RECQL4: variants seen among roughly 807,000 people sequenced by gnomAD.
The protein encoded by RECQL4 is ATP-dependent DNA helicase Q4.
RECQL4 carries 158 observed loss-of-function variants against 128.6 expected under a neutral mutation model. The observed-to-expected ratio is 1.23, with a 90% CI of 1.08 to 1.40. The LOEUF (loss-of-function observed/expected upper bound fraction) is 1.40, where lower values mean the gene tolerates loss of function less well. RECQL4 is among the 40% of genes most tolerant of loss of function. RECQL4 has a pLI of 0.00. For missense variants in RECQL4, 2,293 were observed against 1,649.8 expected, an observed-to-expected ratio of 1.39 and a Z score of -6.75; for synonymous variants, 996 against 678.9, an observed-to-expected ratio of 1.47 and a Z score of -7.26.
At position 144,514,038 on chromosome 8, in the gene RECQL4, T is replaced by G; in HGVS notation, c.1948A>C (p.Ser650Arg). 6.3e-7 allele frequency: 1 copy of G among 1,578,128 alleles called. No individual in the cohort carries two copies. The highest frequency in any genetic ancestry group is 8.6e-7 in the Non-Finnish European group (1 of 1,163,046). The change falls in exon 12 of 21, where the codon AGT becomes CGT. Residue 650 changes from serine to arginine, a missense_variant. Physicochemically the swap from Ser to Arg is moderately radical, Grantham distance 110. Coordinates refer to ENST00000617875, the MANE Select transcript of RECQL4 (RefSeq NM_004260.4). ...ACAGCCAGGTGCTGTGCCACGTCAC[T>G]GGCAGTGCGGCGTGTGGCTGTGGCT... The part of the protein sequence containing the change: ...LTATATRRTA[S>R]DVAQHLAVAE...
rs1827766753 is a variant in RECQL4 at position 144,513,943 on chromosome 8, G to A, written c.2043C>T (p.Asp681=). The A allele has an allele frequency of 1.9e-6, 3 of 1,556,896 alleles. No individual in the cohort carries two copies. Among genetic ancestry groups the A allele is most frequent in the African/African-American group, 2.7e-5 (2 of 73,152 alleles). Residue 681 remains aspartate (D), a synonymous_variant, in exon 12 of 21, where the codon GAC becomes GAT. Coordinates refer to ENST00000617875, the MANE Select transcript of RECQL4 (RefSeq NM_004260.4). ...ACACACCCACCTGGTCTGTGTCCCT[G>A]TCCATGGACACGGAAAGGTGCAGGT... The part of the protein sequence containing the change: ...PTNLHLSVSM[D]RDTDQALLTL...
rs748601844 is a variant in RECQL4 at position 144,512,653 on chromosome 8, G to A, written c.2874C>T (p.Ala958=). The A allele has an allele frequency of 2.5e-5, 41 of 1,612,398 alleles. 1 individual carries two copies. The South Asian group carries it at 4.5e-4, about 18-fold the overall frequency. The change falls in exon 16 of 21, where the codon GCC becomes GCT. Residue 958 remains alanine, a synonymous_variant. Coordinates refer to ENST00000617875, the MANE Select transcript of RECQL4 (RefSeq NM_004260.4). ...NCPGGPAQLQ[A]LAHRCPPLAV... The stretch of plus-strand genomic sequence containing the variant: ...CAGGGCGTGCTTACCTGTGGGCCAG[G>A]GCCTGGAGCTGGGCAGGGCCCCCAG...
chr8:144,514,977 TG>T lies in RECQL4; in HGVS notation c.1578del (p.Thr527ArgfsTer31), dbSNP rs1827938831. The T allele has an allele frequency of 6.2e-7, 1 of 1,611,782 alleles. No homozygotes were observed. Among genetic ancestry groups the T allele is most frequent in the Non-Finnish European group, 8.5e-7 (1 of 1,179,614 alleles). ...ALLYSRRSPC[L>X]TLVVSPLLSL... ...GACAGCAGGGGAGAGACGACCAACG[TG>T]AGGCAGGGGCTGCGCCGGCTGTAGA... On this transcript the variant is annotated frameshift_variant, in exon 9 of 21. Coordinates refer to ENST00000617875, the MANE Select transcript of RECQL4 (RefSeq NM_004260.4). LOFTEE classifies it high-confidence loss of function.
chr8:144,512,824 G>A, intron 15 of RECQL4, 23 bp downstream of exon 15: 3 of 1,608,676 alleles, frequency 1.9e-6, no homozygotes, highest in Non-Finnish European at 2.5e-6. Context: ...CCACACCCCT[G>A]TGGCTTACCC....
At position 144,511,571 on chromosome 8, in the gene RECQL4, G is replaced by C; in HGVS notation, c.3503-16C>G. The C allele has an allele frequency of 6.2e-7, 1 of 1,610,686 alleles. No homozygotes were observed. Among genetic ancestry groups the C allele is most frequent in the African/African-American group, 1.3e-5 (1 of 74,996 alleles). On this transcript the variant is annotated splice_polypyrimidine_tract_variant and intron_variant, in intron 20 of 20. Transcript: ENST00000617875. ...CAGGGGCTTCCTACGGTGGAGCCAA[G>C]ACACAGCCGTGAGCCCCAGCCCCAG...
rs1186876956 is a variant in RECQL4, at chr8:144,514,928, G to A, written c.1620+8C>T. ...TGTGTACGTGTGCCCAGGGCCCTGTGTGCACACCTGGTCATCCATGAGTGA... is the reference window on the plus strand; with the variant it reads ...TGTGTACGTGTGCCCAGGGCCCTGTATGCACACCTGGTCATCCATGAGTGA... On this transcript the variant is annotated splice_region_variant and intron_variant, in intron 9 of 20. Transcript: ENST00000617875. 3 of 1,610,600 alleles carry A rather than the reference G, an allele frequency of 1.9e-6. No homozygotes were observed. Among genetic ancestry groups the A allele is most frequent in the African/African-American group, 2.7e-5 (2 of 74,890 alleles).
intron 16 of RECQL4, 39 bp from the exon 17 acceptor site, chr8:144,512,600 T>G: frequency 6.2e-7 from 1 of 1,611,804 alleles, no homozygotes; most frequent in Non-Finnish European, 8.5e-7. Context: ...CCAACAGCCC[T>G]GATTCTCCAA....
rs1827623561 is a variant in RECQL4, at chr8:144,513,381, A to C, written c.2300T>G (p.Val767Gly). 2.5e-6 allele frequency: 4 copies of C among 1,606,040 alleles called. No individual in the cohort carries two copies. Among genetic ancestry groups the C allele is most frequent in the Non-Finnish European group, 1.7e-6 (2 of 1,179,160 alleles). ...CCCAAAGGCCACCGTGGCCACCACC[A>C]CCCGCAACTGGCCCTGCATGAAGGC... ...QRAFMQGQLR[V>G]VVATVAFGMG... is the part of the protein sequence containing the mutation. The change falls in exon 14 of 21, where the codon GTG (valine) becomes GGG (glycine). Residue 767 changes from valine to glycine, a missense_variant. Val to Gly is a moderately radical substitution (Grantham distance 109, BLOSUM62 -3). Coordinates refer to ENST00000617875, the MANE Select transcript of RECQL4 (RefSeq NM_004260.4).
Position 144,516,728 on chromosome 8 carries a change from C to G in RECQL4, c.391G>C (p.Gly131Arg), listed in dbSNP as rs561427528. The G allele has an allele frequency of 1.8e-5, 28 of 1,534,618 alleles. No individual in the cohort carries two copies. The South Asian group carries it at 2.5e-4, about 14-fold the overall frequency. The part of the protein sequence containing the change: ...PALGRRPWPL[G>R]RASSKASTPK... ...GTGGATGCCTTAGATGAGGCTCTTC[C>G]TAGAGGCCACGGTCTGCGGCCCAGG... Residue 131 changes from glycine (G) to arginine (R), a missense_variant, in exon 5 of 21, where the codon GGA becomes CGA. Gly to Arg is a moderately radical substitution (Grantham distance 125, BLOSUM62 -2). Transcript: ENST00000617875.
In RECQL4 at chr8:144,512,373, G is replaced by T; in HGVS notation, c.3055+19C>A. On this transcript the variant is annotated intron_variant, in intron 17 of 20. Coordinates refer to ENST00000617875, the MANE Select transcript of RECQL4 (RefSeq NM_004260.4). ...AGGCAGGCAGCGTCCAGGGCGGTGT[G>T]GGGTGGGGAGAGGCGCACCTGTCCT... The T allele has an allele frequency of 6.2e-7, 1 of 1,608,388 alleles. No homozygotes were observed. Among genetic ancestry groups the T allele is most frequent in the South Asian group, 1.1e-5 (1 of 91,012 alleles).
At chr8:144,515,538 A>G in intron 6 of RECQL4, 81 bp from the exon 7 acceptor site, 2 of 1,590,432 alleles carry the variant, frequency 1.3e-6, no homozygotes, top group Non-Finnish European at 1.7e-6. Context: ...CTTCCCCCAA[A>G]GGGGGTTGGC....
intron 4 of RECQL4, 101 bp downstream of exon 4, chr8:144,516,949 A>C: frequency 6.7e-7 from 1 of 1,486,732 alleles, no homozygotes. Context: ...TGGTTGGCAC[A>C]GGGGCCCGTG....
In RECQL4 at chr8:144,512,767, G is replaced by A. The variant is rs752058642; in HGVS notation, c.2760C>T (p.Ile920=). 13 of 1,611,618 alleles carry A rather than the reference G, an allele frequency of 8.1e-6. No homozygotes were observed. The Admixed American group carries it at 1.5e-4, about 19-fold the overall frequency. The change falls in exon 16 of 21, where the codon ATC becomes ATT. Residue 920 remains isoleucine (I), a synonymous_variant. Coordinates refer to ENST00000617875, the MANE Select transcript of RECQL4 (RefSeq NM_004260.4). ...VQALDMPEEA[I]ETLLCYLELH... ...GCTCCAGGTAGCACAGCAAAGTCTC[G>A]ATGGCTGGGGGCAGAGCAGGGCTCA...
Position 144,515,340 on chromosome 8 carries a change from G to A in RECQL4, c.1376C>T (p.Ser459Leu), listed in dbSNP as rs774240479. 6.2e-6 allele frequency: 10 copies of A among 1,612,548 alleles called. No homozygotes were observed. Among genetic ancestry groups the A allele is most frequent in the Non-Finnish European group, 7.6e-6 (9 of 1,179,798 alleles). ...TVLPLYSLGP[S>L]GQLAETPAEV... ...TGACTGCTCACCTGCCAACTGCCCT[G>A]AGGGCCCCAGGGAGTAGAGTGGCAG... The change falls in exon 7 of 21, where the codon TCA (serine) becomes TTA (leucine). Residue 459 changes from serine (S) to leucine (L), a missense_variant. By Grantham distance (145) the Ser-to-Leu change is moderately radical. Transcript: ENST00000617875.
In RECQL4 at chr8:144,516,666, AAAG is replaced by A; in HGVS notation, c.450_452del (p.Phe151del). 1 of 1,599,340 alleles carries A rather than the reference AAAG, an allele frequency of 6.3e-7. No individual in the cohort carries two copies. The highest frequency in any genetic ancestry group is 8.5e-7 in the Non-Finnish European group (1 of 1,172,656). ...GAGGCTCATCACTGACTTTTTCTGC[AAAG>A]GAGGGGACAGGCCCTGTACCTGGGG... is the stretch of plus-strand genomic sequence containing the variant. On this transcript the variant is annotated inframe_deletion, in exon 5 of 21. Coordinates refer to ENST00000617875, the MANE Select transcript of RECQL4 (RefSeq NM_004260.4).
chr8:144,516,854 G>A (rs1815147263), intron 4 of RECQL4, 90 bp from the exon 5 acceptor site: 5 of 1,402,332 alleles, frequency 3.6e-6, no homozygotes, highest in African/African-American at 1.4e-5. Flanking sequence ...ACGCTCAATT[G>A]TAGAGCAGGC....
Position 144,517,608 on chromosome 8 carries a change from T to C in RECQL4, c.112A>G (p.Thr38Ala). The C allele has an allele frequency of 1.3e-6, 2 of 1,486,524 alleles. No homozygotes were observed. Among genetic ancestry groups the C allele is most frequent in the Non-Finnish European group, 1.8e-6 (2 of 1,126,432 alleles). 92.1% of individuals were successfully genotyped at this position (1,486,524 alleles called of 1,614,324 possible). Reference sequence around the variant, plus strand: ...CGCCCCGCCGCGCGCTCACCGCGGGTCTCCTCCGGCGCCGCCTCCACGTCG... The same window carrying C: ...CGCCCCGCCGCGCGCTCACCGCGGGCCTCCTCCGGCGCCGCCTCCACGTCG... ...QDDVEAAPEETRALYREYRTL... is the reference protein window; with the variant it reads ...QDDVEAAPEEARALYREYRTL... Residue 38 changes from threonine to alanine, a missense_variant, in exon 2 of 21, where the codon ACC becomes GCC. Physicochemically the swap from Thr to Ala is moderately conservative, Grantham distance 58 (BLOSUM62 0). Coordinates refer to ENST00000617875, the MANE Select transcript of RECQL4 (RefSeq NM_004260.4).
Position 144,516,561 on chromosome 8 carries a change from T to C in RECQL4, c.558A>G (p.Leu186=), listed in dbSNP as rs376582536. ...QASLSQRLGS[L]DPGWLQRCHS... is the part of the protein sequence containing the mutation. The stretch of plus-strand genomic sequence containing the variant: ...GACATCGCTGTAACCAGCCAGGATC[T>C]AGGGAGCCCAGCCGCTGGCTCAGGG... Residue 186 remains leucine, a synonymous_variant, in exon 5 of 21, where the codon CTA becomes CTG. Transcript: ENST00000617875. 20 of 1,609,816 alleles carry C rather than the reference T, an allele frequency of 1.2e-5. No individual in the cohort carries two copies. The highest frequency in any genetic ancestry group is 1.6e-5 in the Non-Finnish European group (19 of 1,178,902).
At position 144,514,921 on chromosome 8, in the gene RECQL4, G is replaced by A. The variant is rs762377220; in HGVS notation, c.1620+15C>T. The stretch of plus-strand genomic sequence containing the variant: ...TCTTGGCTGTGTACGTGTGCCCAGG[G>A]CCCTGTGTGCACACCTGGTCATCCA... On this transcript the variant is annotated intron_variant, in intron 9 of 20. Coordinates refer to ENST00000617875, the MANE Select transcript of RECQL4 (RefSeq NM_004260.4). 33 of 1,610,056 alleles carry A rather than the reference G, an allele frequency of 2.0e-5. 1 individual carries two copies. In the East Asian group the frequency reaches 5.8e-4, roughly 28 times the overall value.
Sources: gnomAD v4.1 joint callset for allele counts on GRCh38, gnomAD v4.1.1 for gene constraint, MANE v1.5 for transcripts, NCBI Gene and HGNC (gene_info 2026-07-23, HGNC 2026-07-21) for gene names.